Variants in MYH15 observed in about 807,000 individuals in gnomAD.
MYH15 encodes the protein myosin-15.
MYH15 carries 227 observed loss-of-function variants against 240.5 expected under a neutral mutation model. The ratio of observed to expected loss-of-function variants is 0.94; its 90% CI spans 0.85 to 1.05. The LOEUF (loss-of-function observed/expected upper bound fraction) is 1.05. MYH15 is among the 50% of genes least tolerant of loss of function. The probability of loss-of-function intolerance (pLI) is 0.00; values close to 1 mark genes in which losing one functional copy is unlikely to be tolerated. For synonymous variants in MYH15, 785 were observed against 796.7 expected, an observed-to-expected ratio of 0.99 and a Z score of 0.25; for missense variants, 2,217 against 2,247.5, an observed-to-expected ratio of 0.99 and a Z score of 0.27.
At chr3:108,396,404 T>C (rs1286201854) in intron 35 of MYH15, among the ~76,000 whole-genome samples, 1 of 152,146 alleles carries the variant, frequency 6.6e-6, no homozygotes, top group African/African-American at 2.4e-5. Context: ...CATTAGATTC[T>C]CCTAAGGAGC....
chr3:108,472,993 A>G (rs2107588612), intron 12 of MYH15, among the ~76,000 whole-genome samples: 1 of 152,234 alleles, frequency 6.6e-6, no homozygotes, highest in South Asian at 2.1e-4. Context: ...AAAAATAACA[A>G]AGTCAAATAG....
chr3:108,509,497 T>C (rs1331696947), intron 1 of MYH15, among the ~76,000 whole-genome samples: 1 of 152,192 alleles, frequency 6.6e-6, no homozygotes, highest in African/African-American at 2.4e-5. Flanking sequence ...ATGAATCCAA[T>C]GACTGGAAAC....
intron 21 of MYH15, among the ~76,000 whole-genome samples, chr3:108,453,566 T>A (rs2082993453): frequency 6.6e-6 from 1 of 152,152 alleles, no homozygotes; most frequent in Admixed American, 6.5e-5. Flanking sequence ...GTAAGAAAGT[T>A]ATGATTACAT....
At position 108,463,194 on chromosome 3, in the gene MYH15, T is replaced by C; in HGVS notation, c.1781A>G (p.Asn594Ser). The C allele has an allele frequency of 1.2e-6, 2 of 1,613,308 alleles. No individual in the cohort carries two copies. The highest frequency in any genetic ancestry group is 2.7e-5 in the African/African-American group (2 of 74,968). Residue 594 changes from asparagine (N) to serine (S), a missense_variant, in exon 16 of 41, where the codon AAT becomes AGT. Physicochemically the swap from Asn to Ser is conservative, Grantham distance 46. Transcript: ENST00000693548. ...CTGAAATACAGCTACCACTGTTTCA[T>C]TAAGGAGGTCTTTGTTCTTTTCCAG... ...GWLEKNKDLL[N>S]ETVVAVFQKS...
chr3:108,499,699 C>A (rs2083421926), intron 4 of MYH15, among the ~76,000 whole-genome samples: 1 of 152,114 alleles, frequency 6.6e-6, no homozygotes, highest in Admixed American at 6.5e-5. Flanking sequence ...ATATAAAGGC[C>A]TACTTCTTTG....
chr3:108,410,551 C>T (rs2082581598), intron 31 of MYH15, 32 bp downstream of exon 31: 2 of 1,496,110 alleles, frequency 1.3e-6, no homozygotes, highest in Non-Finnish European at 1.8e-6. Context: ...GCTACCCGCT[C>T]TGGCTTTGGC....
upstream of MYH15, among the ~76,000 whole-genome samples, chr3:108,533,733 C>A (rs949695626): frequency 2.0e-5 from 3 of 152,116 alleles, no homozygotes; most frequent in Non-Finnish European, 2.9e-5. Flanking sequence ...TGTCATAGGT[C>A]AGGAATCCAT....
At chr3:108,407,721 T>A (rs2082557379) in intron 32 of MYH15, among the ~76,000 whole-genome samples, 1 of 152,214 alleles carries the variant, frequency 6.6e-6, no homozygotes, top group African/African-American at 2.4e-5. Flanking sequence ...TTGAAAAGCT[T>A]TTGTGACTGA....
intron 11 of MYH15, among the ~76,000 whole-genome samples, chr3:108,480,915 T>C (rs1371271753): frequency 6.6e-6 from 1 of 152,174 alleles, no homozygotes; most frequent in Non-Finnish European, 1.5e-5. Flanking sequence ...TCTGTCCAGC[T>C]CCTTCAAAAC....
At chr3:108,485,001 G>A in intron 11 of MYH15, 90 bp downstream of exon 11, 1 of 1,369,306 alleles carries the variant, frequency 7.3e-7, no homozygotes, top group Non-Finnish European at 1.0e-6. Flanking sequence ...TTAATTTTAA[G>A]TAAGAGATGA....
At chr3:108,452,546 T>C (rs2082983108) in intron 21 of MYH15, among the ~76,000 whole-genome samples, 1 of 152,106 alleles carries the variant, frequency 6.6e-6, no homozygotes, top group African/African-American at 2.4e-5. Flanking sequence ...AGAATAATAC[T>C]GAATATAAAA....
At chr3:108,519,801 A>G (rs1026737374) in intron 1 of MYH15, among the ~76,000 whole-genome samples, 1 of 152,188 alleles carries the variant, frequency 6.6e-6, no homozygotes, top group African/African-American at 2.4e-5. Flanking sequence ...CACAAAAGAC[A>G]TGCATTAAAT....
the MYH15 span, among the ~76,000 whole-genome samples, chr3:108,548,398 A>G: frequency 6.6e-6 from 1 of 152,152 alleles, no homozygotes; most frequent in African/African-American, 2.4e-5. Context: ...GACATTTCTT[A>G]ATAAGTAAAT....
intron 38 of MYH15, among the ~76,000 whole-genome samples, chr3:108,386,416 T>C (rs1188858017): frequency 9.2e-5 from 14 of 152,098 alleles, no homozygotes; most frequent in Non-Finnish European, 4.4e-5. Context: ...AGTTACCTGA[T>C]AACCTCCAAC....
intron 18 of MYH15, among the ~76,000 whole-genome samples, chr3:108,458,266 G>C (rs1262117380): frequency 6.6e-6 from 1 of 152,152 alleles, no homozygotes; most frequent in Admixed American, 6.5e-5. Context: ...TAACAGAATT[G>C]CTCCAAAATA....
intron 33 of MYH15, among the ~76,000 whole-genome samples, chr3:108,402,691 G>A (rs1312811324): frequency 6.6e-6 from 1 of 152,188 alleles, no homozygotes; most frequent in African/African-American, 2.4e-5. Context: ...GTGTGTCTGG[G>A]AGAGCAGAAT....
chr3:108,397,949 TG>T (rs1359249844), intron 35 of MYH15, among the ~76,000 whole-genome samples: 1 of 152,188 alleles, frequency 6.6e-6, no homozygotes, highest in Non-Finnish European at 1.5e-5. Context: ...TCCATTCTTC[TG>T]GCATAAGGCT....
At chr3:108,533,682 T>A (rs573087585), upstream of MYH15, among the ~76,000 whole-genome samples, 1 of 152,278 alleles carries the variant, frequency 6.6e-6, no homozygotes, top group East Asian at 1.9e-4. Flanking sequence ...AAGACCTTAA[T>A]CATGGAGGAA....
At chr3:108,397,827 G>A (rs2082473503) in intron 35 of MYH15, among the ~76,000 whole-genome samples, 1 of 152,112 alleles carries the variant, frequency 6.6e-6, no homozygotes, top group African/African-American at 2.4e-5. Flanking sequence ...GGGATGCTGG[G>A]GAAGCACATG....
Sources: allele counts gnomAD v4.1 joint callset (sites outside exome capture counted in the v4.1 genomes callset), GRCh38; gene constraint gnomAD v4.1.1; transcripts MANE v1.5; gene names NCBI Gene and HGNC (gene_info 2026-07-23, HGNC 2026-07-21).